NUDT3: variants seen among roughly 807,000 people sequenced by gnomAD.
The protein encoded by NUDT3 is diphosphoinositol polyphosphate phosphohydrolase 1.
A neutral mutation model predicts 23.6 loss-of-function variants in NUDT3; 9 were observed. The ratio of observed to expected loss-of-function variants is 0.38; its 90% CI spans 0.23 to 0.66. NUDT3 has a LOEUF of 0.66. NUDT3 is among the 30% of genes least tolerant of loss of function. The pLI is 0.52. For synonymous variants in NUDT3, 86 were observed against 82.6 expected, an observed-to-expected ratio of 1.04 and a Z score of -0.22; for missense variants, 172 against 218.5, an observed-to-expected ratio of 0.79 and a Z score of 1.34.
chr6:34,293,830 TTAAC>T (rs1311008301), intron 3 of NUDT3, among the ~76,000 whole-genome samples: 2 of 151,068 alleles, frequency 1.3e-5, no homozygotes, highest in Non-Finnish European at 3.0e-5. Flanking sequence ...TCATGTAAAT[TTAAC>T]TAGCTAGACC....
At chr6:34,339,551 C>T (rs759307564) in intron 2 of NUDT3, among the ~76,000 whole-genome samples, 2 of 152,218 alleles carry the variant, frequency 1.3e-5, no homozygotes, top group Non-Finnish European at 2.9e-5. Flanking sequence ...CTGGCTGATG[C>T]TGATGTTGCT....
chr6:34,303,626 T>C (rs929653412), intron 2 of NUDT3, among the ~76,000 whole-genome samples: 1 of 152,186 alleles, frequency 6.6e-6, no homozygotes, highest in Non-Finnish European at 1.5e-5. Context: ...GTTCCTTTTG[T>C]TTTTAGCTTG....
At chr6:34,380,226 A>G (rs945681892) in intron 1 of NUDT3, among the ~76,000 whole-genome samples, 2 of 151,766 alleles carry the variant, frequency 1.3e-5, no homozygotes, top group East Asian at 1.9e-4. Flanking sequence ...TAATTTTTGT[A>G]TATTTAGTAG....
chr6:34,301,334 C>A (rs1486011853), intron 2 of NUDT3, among the ~76,000 whole-genome samples: 2 of 152,222 alleles, frequency 1.3e-5, no homozygotes, highest in Admixed American at 6.5e-5. Context: ...CATCCATATC[C>A]TTTGACATTA....
intron 4 of NUDT3, among the ~76,000 whole-genome samples, chr6:34,292,897 G>T (rs1312845681): frequency 6.6e-6 from 1 of 152,202 alleles, no homozygotes; most frequent in East Asian, 1.9e-4. Flanking sequence ...GATTTTAGAA[G>T]CAACATTTCT....
chr6:34,351,216 A>AAAAAAAAAAACAAAAAAAAAAAAAC (rs1764467972), intron 1 of NUDT3, among the ~76,000 whole-genome samples: 1 of 130,826 alleles, frequency 7.6e-6, no homozygotes, highest in African/African-American at 3.3e-5. Context: ...AAAAAAAAAA[A>AAAAAAAAAAACAAAAAAAAAAAAAC]AAAAAAAAAA....
At chr6:34,320,182 C>T in intron 2 of NUDT3, among the ~76,000 whole-genome samples, 1 of 152,218 alleles carries the variant, frequency 6.6e-6, no homozygotes, top group African/African-American at 2.4e-5. Flanking sequence ...CAAAATGTTA[C>T]TAGTGGCGAG....
At chr6:34,366,499 G>A (rs1031846664) in intron 1 of NUDT3, among the ~76,000 whole-genome samples, 8 of 132,754 alleles carry the variant, frequency 6.0e-5, no homozygotes, top group Non-Finnish European at 1.1e-4. Flanking sequence ...GAGGGAGGGA[G>A]GGAGGGAGGG....
chr6:34,373,923 G>C (rs1021009963), intron 1 of NUDT3, among the ~76,000 whole-genome samples: 1 of 152,094 alleles, frequency 6.6e-6, no homozygotes, highest in African/African-American at 2.4e-5. Flanking sequence ...GGAGGCCAAG[G>C]CGGGCGGATC....
At chr6:34,371,490 A>G (rs1338246470) in intron 1 of NUDT3, among the ~76,000 whole-genome samples, 1 of 152,168 alleles carries the variant, frequency 6.6e-6, no homozygotes, top group Non-Finnish European at 1.5e-5. Flanking sequence ...AAATGCTTTG[A>G]AGATAGCAAG....
rs1334697194 is a variant in NUDT3 at position 34,281,608 on chromosome 6, C to T, written c.*7145G>A. The T allele has an allele frequency of 6.6e-6, 1 of 152,184 alleles. No homozygotes were observed. The highest frequency in any genetic ancestry group is 2.4e-5 in the African/African-American group (1 of 41,456). The allele number at this position is 152,184 out of a possible 1,614,324, so 9.4% of individuals were successfully genotyped here. On this transcript the variant is annotated 3_prime_UTR_variant, in exon 5 of 5. Transcript: ENST00000607016. ...ACAAAACTGTACTACATACTTATTT[C>T]TTTTACAGTAGAGCTGACCAATTAC...
intron 1 of NUDT3, among the ~76,000 whole-genome samples, chr6:34,390,637 C>T (rs964194051): frequency 2.6e-5 from 4 of 152,076 alleles, no homozygotes; most frequent in African/African-American, 9.7e-5. Context: ...GGATTACAGG[C>T]GTGAGCCACC....
At chr6:34,328,374 G>A (rs1351391758) in intron 2 of NUDT3, among the ~76,000 whole-genome samples, 3 of 152,160 alleles carry the variant, frequency 2.0e-5, no homozygotes, top group Non-Finnish European at 2.9e-5. Context: ...GTGTATTAGT[G>A]TAGCCAAGTT....
At chr6:34,334,862 G>A (rs1174455116) in intron 2 of NUDT3, among the ~76,000 whole-genome samples, 1 of 151,348 alleles carries the variant, frequency 6.6e-6, no homozygotes, top group African/African-American at 2.4e-5. Context: ...GAGCCCAGGA[G>A]TTTGAGGTTA....
chr6:34,372,372 T>C (rs1321591399), intron 1 of NUDT3, among the ~76,000 whole-genome samples: 1 of 152,166 alleles, frequency 6.6e-6, no homozygotes, highest in Non-Finnish European at 1.5e-5. Context: ...AGCATAAAAG[T>C]GTTCCTATTT....
intron 1 of NUDT3, among the ~76,000 whole-genome samples, chr6:34,360,681 C>T (rs1019854312): frequency 6.6e-6 from 1 of 152,128 alleles, no homozygotes; most frequent in South Asian, 2.1e-4. Flanking sequence ...TCTCGCCCTC[C>T]GCCACAGACA....
intron 2 of NUDT3, among the ~76,000 whole-genome samples, chr6:34,324,346 C>T (rs542595313): frequency 3.2e-4 from 48 of 148,092 alleles, no homozygotes; most frequent in East Asian, 2.5e-3. Flanking sequence ...CAGAGCAAGA[C>T]TACGCTTCCA....
intron 2 of NUDT3, among the ~76,000 whole-genome samples, chr6:34,335,027 A>T (rs949901169): frequency 2.0e-5 from 3 of 152,206 alleles, no homozygotes; most frequent in African/African-American, 7.2e-5. Context: ...CACAGAGTAT[A>T]AAGTCTAGCA....
At chr6:34,326,945 AGAGATCGT>A (rs1474446555) in intron 2 of NUDT3, among the ~76,000 whole-genome samples, 1 of 152,034 alleles carries the variant, frequency 6.6e-6, no homozygotes, top group Non-Finnish European at 1.5e-5. Context: ...GAGACGAGAG[AGAGATCGT>A]ACGAAATAAA....
Sources: gnomAD v4.1 joint callset for allele counts (sites outside exome capture counted in the v4.1 genomes callset) on GRCh38, gnomAD v4.1.1 for gene constraint, MANE v1.5 for transcripts, NCBI Gene and HGNC (gene_info 2026-07-23, HGNC 2026-07-21) for gene names.